The following ARHGEF19 variants were observed in gnomAD, a reference collection of about 807,000 sequenced individuals.
ARHGEF19 encodes Rho guanine nucleotide exchange factor 19, also known as Rho guanine nucleotide exchange factor (GEF) 19.
A neutral mutation model predicts 87.6 loss-of-function variants in ARHGEF19; 92 were observed. That is an observed-to-expected ratio of 1.05 (90% CI 0.89 to 1.25). The LOEUF (loss-of-function observed/expected upper bound fraction) is 1.25. Among genes scored for constraint, ARHGEF19 ranks in the 50% most tolerant of loss-of-function variants. The probability of loss-of-function intolerance (pLI) is 0.00; values close to 1 mark genes in which losing one functional copy is unlikely to be tolerated. For synonymous variants in ARHGEF19, 438 were observed against 446.2 expected (o/e 0.98, Z 0.23); for missense variants, 1,054 against 1,051.8 (o/e 1.00, Z -0.03).
At chr1:16,211,437 G>T (rs1188345598) in intron 1 of ARHGEF19, among the ~76,000 whole-genome samples, 1 of 152,216 alleles carries the variant, frequency 6.6e-6, no homozygotes, top group Non-Finnish European at 1.5e-5. Context: ...GGCAGGGAGG[G>T]ACCCTCTCTC....
At chr1:16,208,591 C>G (rs988682344) in intron 2 of ARHGEF19, 52 bp downstream of exon 2, 3 of 1,536,700 alleles carry the variant, frequency 2.0e-6, no homozygotes, top group Middle Eastern at 1.7e-4. Context: ...CCCAGCCCCT[C>G]CCCTATCCCC....
At chr1:16,202,006 C>A (rs1435011989) in intron 13 of ARHGEF19, 145 bp from the exon 14 acceptor site, 4 of 817,424 alleles carry the variant, frequency 4.9e-6, no homozygotes, top group Non-Finnish European at 7.7e-6. Context: ...TGCCCCACCC[C>A]AGGGCCCACC....
Position 16,205,014 on chromosome 1 carries a change from T to A in ARHGEF19, c.1746+73A>T. ...GGGTGTGGGCAGCGATTAACTGGCC[T>A]GAAGCCCCCAGGGCAAGGAAGAAAC... On this transcript the variant is annotated intron_variant, in intron 11 of 15. Coordinates refer to ENST00000270747, the MANE Select transcript of ARHGEF19 (RefSeq NM_153213.5). The surrounding 1 kb of genome is among the most constrained non-coding windows in gnomAD (Gnocchi z 5.8). 1 of 1,562,206 alleles carries A rather than the reference T, an allele frequency of 6.4e-7. No individual in the cohort carries two copies. The highest frequency in any genetic ancestry group is 8.7e-7 in the Non-Finnish European group (1 of 1,152,436).
At position 16,198,657 on chromosome 1, in the gene ARHGEF19, C is replaced by A; in HGVS notation, c.2339G>T (p.Arg780Leu). The A allele has an allele frequency of 6.2e-7, 1 of 1,613,798 alleles. No individual in the cohort carries two copies. Among genetic ancestry groups the A allele is most frequent in the South Asian group, 1.1e-5 (1 of 91,044 alleles). Residue 780 changes from arginine (R) to leucine (L), a missense_variant, in exon 16 of 16, where the codon CGC (arginine) becomes CTC (leucine). By Grantham distance (102) the Arg-to-Leu change is moderately radical (BLOSUM62 -2). Coordinates refer to ENST00000270747, the MANE Select transcript of ARHGEF19 (RefSeq NM_153213.5). The surrounding 1 kb of genome is among the most constrained non-coding windows in gnomAD (Gnocchi z 4.1). ...YVEEISSLSA[R>L]LRNLRENKRV... is the part of the protein sequence containing the mutation. ...CTTATTCTCCCGGAGGTTTCGGAGGCGGGCGCTGAGGCTGCTGATCTCTTC... is the reference window on the plus strand; with the variant it reads ...CTTATTCTCCCGGAGGTTTCGGAGGAGGGCGCTGAGGCTGCTGATCTCTTC...
Position 16,205,930 on chromosome 1 carries a change from C to T in ARHGEF19, c.1451+1G>A. 1 of 1,605,876 alleles carries T rather than the reference C, an allele frequency of 6.2e-7. No homozygotes were observed. The highest frequency in any genetic ancestry group is 8.5e-7 in the Non-Finnish European group (1 of 1,176,316). ...GCCCCTTTCAGAGCCCCCAGCCCTA[C>T]AGCAGGCGCTGGTAGGTGCGCTCCT... On this transcript the variant is annotated splice_donor_variant, in intron 8 of 15. Transcript: ENST00000270747. LOFTEE classifies it high-confidence loss of function. This position sits in a 1 kb window ranked among gnomAD's most constrained non-coding sequence, Gnocchi z 5.8.
intron 12 of ARHGEF19, among the ~76,000 whole-genome samples, chr1:16,204,123 C>T (rs1345313211): frequency 6.6e-6 from 1 of 152,210 alleles, no homozygotes; most frequent in Non-Finnish European, 1.5e-5. Context: ...ACCTTGGCCT[C>T]CCAAAGTGCT....
intron 14 of ARHGEF19, 58 bp downstream of exon 14, chr1:16,201,724 G>A: frequency 6.4e-7 from 1 of 1,567,182 alleles, no homozygotes; most frequent in Non-Finnish European, 8.7e-7. Flanking sequence ...GGATGGGAGG[G>A]GAGGAGAGCG....
In ARHGEF19 at chr1:16,207,899, A is replaced by G. The variant is rs200044128; in HGVS notation, c.694+45T>C. The G allele has an allele frequency of 5.8e-4, 373 of 647,972 alleles. 1 individual carries two copies. The African/African-American group carries it at 0.011, about 19-fold the overall frequency. 40.1% of individuals were successfully genotyped at this position (647,972 alleles called of 1,614,324 possible). On this transcript the variant is annotated intron_variant, in intron 3 of 15. Coordinates refer to ENST00000270747, the MANE Select transcript of ARHGEF19 (RefSeq NM_153213.5). This position sits in a 1 kb window ranked among gnomAD's most constrained non-coding sequence, Gnocchi z 4.0. ...GTGGGCATCGCCCACCCCCACCCCCACCCGGCATCTGGCTGCCCTCAGGGC... is the reference window on the plus strand; with the variant it reads ...GTGGGCATCGCCCACCCCCACCCCCGCCCGGCATCTGGCTGCCCTCAGGGC...
At chr1:16,210,646 C>T (rs1015620982) in intron 1 of ARHGEF19, among the ~76,000 whole-genome samples, 1 of 152,158 alleles carries the variant, frequency 6.6e-6, no homozygotes, top group Non-Finnish European at 1.5e-5. Flanking sequence ...ATTTCATGCC[C>T]GTGGGCTGCC....
intron 14 of ARHGEF19, among the ~76,000 whole-genome samples, chr1:16,199,803 C>T (rs1289616052): frequency 1.3e-5 from 2 of 152,038 alleles, no homozygotes; most frequent in Non-Finnish European, 2.9e-5. Flanking sequence ...CTGCTATCCT[C>T]GTCTTCTCCC....
intron 12 of ARHGEF19, 116 bp downstream of exon 12, chr1:16,204,643 C>A (rs1557539455): frequency 7.7e-7 from 1 of 1,294,884 alleles, no homozygotes; most frequent in Non-Finnish European, 1.0e-6. Flanking sequence ...TGGCAGCATA[C>A]CCTGGCACAG....
In ARHGEF19 at chr1:16,206,812, A is replaced by C; in HGVS notation, c.1137+136T>G. ...CCTCGTGTAGTCAGGTCCTAGAGCCAACCTTCCGCGCGGACAGTCGCGCCA... is the reference window on the plus strand; with the variant it reads ...CCTCGTGTAGTCAGGTCCTAGAGCCCACCTTCCGCGCGGACAGTCGCGCCA... On this transcript the variant is annotated intron_variant, in intron 6 of 15. Transcript: ENST00000270747. This position sits in a 1 kb window ranked among gnomAD's most constrained non-coding sequence, Gnocchi z 4.6. 8.5e-7 allele frequency: 1 copy of C among 1,177,006 alleles called. No individual in the cohort carries two copies. The highest frequency in any genetic ancestry group is 1.1e-6 in the Non-Finnish European group (1 of 892,340). The allele number at this position is 1,177,006 out of a possible 1,614,324, so 72.9% of individuals were successfully genotyped here. A position where few individuals can be genotyped will look rare whatever the true frequency, so the allele number is the denominator to read the frequency against.
chr1:16,204,725 C>T (rs1223661147), intron 12 of ARHGEF19, 34 bp downstream of exon 12: 2 of 1,531,998 alleles, frequency 1.3e-6, no homozygotes, highest in South Asian at 1.3e-5. Flanking sequence ...CCTGGCTCCA[C>T]TTTACCTACC....
chr1:16,205,901 C>T lies in ARHGEF19; in HGVS notation c.1451+30G>A. The stretch of plus-strand genomic sequence containing the variant: ...CACCTGCCTGAGACTCCCTCCACGC[C>T]CCCGCCCCTTTCAGAGCCCCCAGCC... On this transcript the variant is annotated intron_variant, in intron 8 of 15. Coordinates refer to ENST00000270747, the MANE Select transcript of ARHGEF19 (RefSeq NM_153213.5). This position sits in a 1 kb window ranked among gnomAD's most constrained non-coding sequence, Gnocchi z 5.8. 1 of 1,583,778 alleles carries T rather than the reference C, an allele frequency of 6.3e-7. No individual in the cohort carries two copies. The highest frequency in any genetic ancestry group is 8.6e-7 in the Non-Finnish European group (1 of 1,164,982).
chr1:16,200,062 C>T (rs77903816), intron 14 of ARHGEF19, among the ~76,000 whole-genome samples: 3,545 of 152,278 alleles, frequency 0.023, 102 homozygotes, highest in East Asian at 0.11. Flanking sequence ...CCTCCCCTGA[C>T]CACCTGGGAA....
rs2081058322 is a variant in ARHGEF19 at position 16,198,494 on chromosome 1, C to T, written c.*93G>A. 1.4e-6 allele frequency: 2 copies of T among 1,433,210 alleles called. No homozygotes were observed. Among genetic ancestry groups the T allele is most frequent in the Non-Finnish European group, 1.9e-6 (2 of 1,078,906 alleles). The allele number at this position is 1,433,210 out of a possible 1,614,324, so 88.8% of individuals were successfully genotyped here. On this transcript the variant is annotated 3_prime_UTR_variant, in exon 16 of 16. Transcript: ENST00000270747. The surrounding 1 kb of genome is among the most constrained non-coding windows in gnomAD (Gnocchi z 4.1). ...CAAGGCCACAGAAGCGAAGTGCCAG[C>T]AGGAGCAGCTTGGGGAATGGAGACA...
At chr1:16,211,181 G>A (rs989414021) in intron 1 of ARHGEF19, among the ~76,000 whole-genome samples, 1 of 152,224 alleles carries the variant, frequency 6.6e-6, no homozygotes, top group Non-Finnish European at 1.5e-5. Context: ...TAGACAGAAG[G>A]CAGCTCAGGC....
Position 16,207,146 on chromosome 1 carries a change from C to T in ARHGEF19, c.939G>A (p.Glu313=), listed in dbSNP as rs1401814036. Residue 313 remains glutamate (E), a synonymous_variant, in exon 6 of 16, where the codon GAG becomes GAA. Coordinates refer to ENST00000270747, the MANE Select transcript of ARHGEF19 (RefSeq NM_153213.5). This position sits in a 1 kb window ranked among gnomAD's most constrained non-coding sequence, Gnocchi z 4.0. ...CGGCCTCGTCCCCCGGGCCCTCCTCCTCGCGCTGCTGCCGCCGCAGTTCGC... is the reference window on the plus strand; with the variant it reads ...CGGCCTCGTCCCCCGGGCCCTCCTCTTCGCGCTGCTGCCGCCGCAGTTCGC... ...SARELRRQQR[E]EEGPGDEAEG... 9 of 1,529,706 alleles carry T rather than the reference C, an allele frequency of 5.9e-6. No homozygotes were observed. The highest frequency in any genetic ancestry group is 7.0e-6 in the Non-Finnish European group (8 of 1,142,082). The allele number at this position is 1,529,706 out of a possible 1,614,324, so 94.8% of individuals were successfully genotyped here. A position where few individuals can be genotyped will look rare whatever the true frequency, so the allele number is the denominator to read the frequency against.
chr1:16,209,089 G>A lies in ARHGEF19; in HGVS notation c.-29-6C>T. 14 of 1,435,884 alleles carry A rather than the reference G, an allele frequency of 9.8e-6. No homozygotes were observed. Among genetic ancestry groups the A allele is most frequent in the Non-Finnish European group, 1.3e-5 (14 of 1,095,200 alleles). The allele number at this position is 1,435,884 out of a possible 1,614,324, so 88.9% of individuals were successfully genotyped here. ...GCTCTGCCACCCACCTGGCCCTGCAGAAGAGAAGATATCAGACCTAGACAG... is the reference window on the plus strand; with the variant it reads ...GCTCTGCCACCCACCTGGCCCTGCAAAAGAGAAGATATCAGACCTAGACAG... On this transcript the variant is annotated splice_polypyrimidine_tract_variant and splice_region_variant and intron_variant, in intron 1 of 15. Transcript: ENST00000270747.
Sources: gnomAD v4.1 joint callset for allele counts (sites outside exome capture counted in the v4.1 genomes callset) on GRCh38, gnomAD v4.1.1 for gene constraint, Gnocchi (gnomAD v3.1) non-coding constraint, MANE v1.5 for transcripts, NCBI Gene and HGNC (gene_info 2026-07-23, HGNC 2026-07-21) for gene names.